Variants in LRP11 observed in about 807,000 individuals in gnomAD.
LRP11 encodes low-density lipoprotein receptor-related protein 11.
In LRP11, 25 loss-of-function variants were observed where a neutral mutation model predicts 43.1. The ratio of observed to expected loss-of-function variants is 0.58; its 90% confidence interval spans 0.42 to 0.81. LRP11 has a LOEUF of 0.81. Ranked by LOEUF, LRP11 falls within the 30% of genes least tolerant of loss-of-function variation. The pLI is 0.00. For missense variants in LRP11, 623 were observed against 665.1 expected, an observed-to-expected ratio of 0.94 and a Z score of 0.70; for synonymous variants, 316 against 299.4, an observed-to-expected ratio of 1.06 and a Z score of -0.57.
intron 6 of LRP11, among the ~76,000 whole-genome samples, chr6:149,824,259 A>G (rs1776311754): frequency 6.6e-6 from 1 of 152,208 alleles, no homozygotes; most frequent in Non-Finnish European, 1.5e-5. Context: ...AGGTTTAGCT[A>G]TGGTAACAAT....
chr6:149,834,354 CT>C (rs1350313348), intron 5 of LRP11, among the ~76,000 whole-genome samples: 1 of 152,164 alleles, frequency 6.6e-6, no homozygotes, highest in Non-Finnish European at 1.5e-5. Flanking sequence ...GTTGAAGTCC[CT>C]TATTAACAGA....
At chr6:149,861,575 G>A (rs759571532) in intron 1 of LRP11, among the ~76,000 whole-genome samples, 2 of 152,130 alleles carry the variant, frequency 1.3e-5, no homozygotes, top group South Asian at 4.1e-4. Flanking sequence ...GTGCAGTGGC[G>A]CAATCTGTAC....
chr6:149,826,301 A>G lies in LRP11; in HGVS notation c.1311T>C (p.Gly437=), dbSNP rs778358179. 1 of 1,613,746 alleles carries G rather than the reference A, an allele frequency of 6.2e-7. No homozygotes were observed. The highest frequency in any genetic ancestry group is 8.5e-7 in the Non-Finnish European group (1 of 1,179,722). Residue 437 remains glycine (G), a synonymous_variant, in exon 6 of 7, where the codon GGT becomes GGC. Coordinates refer to ENST00000239367, the MANE Select transcript of LRP11 (RefSeq NM_032832.6). ...KEESYIFESK[G]DGGGGEHPAP... The stretch of plus-strand genomic sequence containing the variant: ...CTGGGTGTTCCCCTCCTCCTCCATC[A>G]CCCTTTGACTCAAATATATAACTTT...
intron 1 of LRP11, among the ~76,000 whole-genome samples, chr6:149,856,024 G>T (rs1183162798): frequency 6.6e-6 from 1 of 152,104 alleles, no homozygotes; most frequent in Non-Finnish European, 1.5e-5. Flanking sequence ...AAGGTTCATT[G>T]TTTCCACACA....
rs1433482603 is a variant in LRP11, at chr6:149,820,697, A to G, written c.1355T>C (p.Val452Ala). Residue 452 changes from valine (V) to alanine (A), a missense_variant, in exon 7 of 7, where the codon GTG (valine) becomes GCG (alanine). Coordinates refer to ENST00000239367, the MANE Select transcript of LRP11 (RefSeq NM_032832.6). Reference protein sequence around the residue: ...GEHPAPETGAVLPLALGLAIT... With the variant: ...GEHPAPETGAALPLALGLAIT... ...AGCCAAACCCAGCGCCAGGGGTAGC[A>G]CTGCACCTTTGAGAAGGTTAGACAT... The G allele has an allele frequency of 2.6e-6, 2 of 780,984 alleles. No individual in the cohort carries two copies. Among genetic ancestry groups the G allele is most frequent in the Non-Finnish European group, 4.8e-6 (2 of 418,106 alleles). 48.4% of individuals were successfully genotyped at this position (780,984 alleles called of 1,614,324 possible).
rs9478144 is a variant in LRP11 at position 149,826,288 on chromosome 6, C to T, written c.1324G>A (p.Gly442Arg). The change falls in exon 6 of 7, where the codon GGG (glycine) becomes AGG (arginine). Residue 442 changes from glycine (G) to arginine (R), a missense_variant. Gly to Arg is a moderately radical substitution (Grantham distance 125, BLOSUM62 -2). Coordinates refer to ENST00000239367, the MANE Select transcript of LRP11 (RefSeq NM_032832.6). ...CCTGTTTCTGGGGCTGGGTGTTCCC[C>T]TCCTCCTCCATCACCCTTTGACTCA... ...IFESKGDGGG[G>R]EHPAPETGAV... is the part of the protein sequence containing the mutation. The T allele has an allele frequency of 9.6e-4, 1,555 of 1,613,304 alleles. 16 individuals are homozygous for T. The African/African-American group carries it at 0.018, about 19-fold the overall frequency.
At chr6:149,824,703 T>G (rs1013588962) in intron 6 of LRP11, among the ~76,000 whole-genome samples, 1 of 151,764 alleles carries the variant, frequency 6.6e-6, no homozygotes, top group Non-Finnish European at 1.5e-5. Flanking sequence ...CTGCTAAAAA[T>G]ACAAAAATTA....
At chr6:149,836,692 C>T (rs2115384455) in intron 4 of LRP11, among the ~76,000 whole-genome samples, 1 of 152,102 alleles carries the variant, frequency 6.6e-6, no homozygotes, top group East Asian at 1.9e-4. Flanking sequence ...TACATGCCTG[C>T]AGTCCCAGCT....
intron 1 of LRP11, among the ~76,000 whole-genome samples, chr6:149,854,312 G>A (rs1203004995): frequency 1.3e-5 from 2 of 151,862 alleles, no homozygotes; most frequent in Admixed American, 6.6e-5. Flanking sequence ...AGTGAGAGTT[G>A]CCCAGGCTGG....
intron 2 of LRP11, among the ~76,000 whole-genome samples, chr6:149,846,887 T>C (rs1256710562): frequency 3.3e-5 from 5 of 151,872 alleles, no homozygotes; most frequent in African/African-American, 7.3e-5. Context: ...TGAGCCAAGA[T>C]TGCACCACTG....
chr6:149,830,428 T>A (rs939525074), intron 5 of LRP11, among the ~76,000 whole-genome samples: 1 of 152,224 alleles, frequency 6.6e-6, no homozygotes, highest in African/African-American at 2.4e-5. Context: ...AGTTTTCCAT[T>A]GAACCATACT....
Position 149,826,143 on chromosome 6 carries a change from G to A in LRP11, c.1348+121C>T, listed in dbSNP as rs574986367. 1,867 of 788,038 alleles carry A rather than the reference G, an allele frequency of 2.4e-3. 22 individuals are homozygous for A. Among genetic ancestry groups the A allele is most frequent in the Middle Eastern group, 7.7e-4 (3 of 3,906 alleles). 48.8% of individuals were successfully genotyped at this position (788,038 alleles called of 1,614,324 possible). On this transcript the variant is annotated intron_variant, in intron 6 of 6. Coordinates refer to ENST00000239367, the MANE Select transcript of LRP11 (RefSeq NM_032832.6). ...CAAGCAACGAGGAGACAGTTCTTTC[G>A]GTCCACTGACGGACTCCTCCTGTCC...
chr6:149,832,463 C>T (rs1008918197), intron 5 of LRP11, among the ~76,000 whole-genome samples: 2 of 152,110 alleles, frequency 1.3e-5, no homozygotes, highest in Non-Finnish European at 2.9e-5. Flanking sequence ...GCTGGGATTA[C>T]AAGCATGAGC....
Position 149,827,527 on chromosome 6 carries a change from G to A in LRP11, c.1253-1168C>T, listed in dbSNP as rs113982324. Among the ~76,000 whole-genome samples, 3,745 of 152,284 alleles carry A rather than the reference G, an allele frequency of 0.025. 140 individuals are homozygous for A. The highest frequency in any genetic ancestry group is 0.085 in the African/African-American group (3,511 of 41,544). On this transcript the variant is annotated intron_variant, in intron 5 of 6. Transcript: ENST00000239367. The surrounding 1 kb of genome is among the most constrained non-coding windows in gnomAD (Gnocchi z 4.2). ...CTTTGGGGACAGTCTACTGTGTCTT[G>A]TTACTCTAGAAAGTTCCATGTATGT... is the stretch of plus-strand genomic sequence containing the variant.
chr6:149,835,903 T>G (rs1291372903), intron 5 of LRP11, among the ~76,000 whole-genome samples, 182 bp downstream of exon 5: 2 of 152,194 alleles, frequency 1.3e-5, no homozygotes, highest in African/African-American at 4.8e-5. Context: ...ATTTAGTAAG[T>G]GTCCCTTACT....
In LRP11 at chr6:149,849,048, A is replaced by G. The variant is rs187363510; in HGVS notation, c.771+3955T>C. 5.1e-3 allele frequency among the ~76,000 whole-genome samples: 784 copies of G among 152,348 alleles called. 7 individuals carry two copies. The highest frequency in any genetic ancestry group is 0.018 in the African/African-American group (742 of 41,580). ...CTTGATTTTGGACTTCCCAGCATCC[A>G]GAACTGAAAGAAATTCATTTCTGCT... is the stretch of plus-strand genomic sequence containing the variant. On this transcript the variant is annotated intron_variant, in intron 2 of 6. Coordinates refer to ENST00000239367, the MANE Select transcript of LRP11 (RefSeq NM_032832.6).
Position 149,825,796 on chromosome 6 carries a change from A to T in LRP11, c.1348+468T>A, listed in dbSNP as rs565537269. Among the ~76,000 whole-genome samples, 5 of 152,122 alleles carry T rather than the reference A, an allele frequency of 3.3e-5. No individual in the cohort carries two copies. In the South Asian group the frequency reaches 1.0e-3, roughly 32 times the overall value. ...TCAGCCTCCCTGGGACTACAGGCGAATGTCACCACACTTGGCTAATTTTTG... is the reference window on the plus strand; with the variant it reads ...TCAGCCTCCCTGGGACTACAGGCGATTGTCACCACACTTGGCTAATTTTTG... On this transcript the variant is annotated intron_variant, in intron 6 of 6. Transcript: ENST00000239367.
Position 149,863,831 on chromosome 6 carries a change from G to T in LRP11, c.190C>A (p.Arg64=). The T allele has an allele frequency of 6.6e-7, 1 of 1,511,272 alleles. No individual in the cohort carries two copies. The highest frequency in any genetic ancestry group is 8.8e-7 in the Non-Finnish European group (1 of 1,138,774). 93.6% of individuals were successfully genotyped at this position (1,511,272 alleles called of 1,614,324 possible). The stretch of plus-strand genomic sequence containing the variant: ...TGAGGCCGCTCCTGCTGCAGTTGCC[G>T]GCGGAACTCCTCCAGCAGCTGCTCC... ...GVEQLLEEFR[R]QLQQERPQEE... is the part of the protein sequence containing the mutation. Residue 64 remains arginine (R), a synonymous_variant, in exon 1 of 7, where the codon CGG becomes AGG. Transcript: ENST00000239367.
In LRP11 at chr6:149,843,104, C is replaced by T; in HGVS notation, c.792G>A (p.Leu264=). ...VDMKVPQSGT[L]KLSHLQEGTY... ...TTCCCTCCTGTAGGTGGGACAGCTT[C>T]AGGGTTCCTGATTGAGGCACCTGCC... The change falls in exon 3 of 7, where the codon CTG becomes CTA. Residue 264 remains leucine, a synonymous_variant. Transcript: ENST00000239367. 6.2e-7 allele frequency: 1 copy of T among 1,614,188 alleles called. No homozygotes were observed. The highest frequency in any genetic ancestry group is 8.5e-7 in the Non-Finnish European group (1 of 1,180,030).
Sources: gnomAD v4.1 joint callset for allele counts (sites outside exome capture counted in the v4.1 genomes callset) on GRCh38, gnomAD v4.1.1 for gene constraint, Gnocchi (gnomAD v3.1) non-coding constraint, MANE v1.5 for transcripts, NCBI Gene and HGNC (gene_info 2026-07-23, HGNC 2026-07-21) for gene names.